The following ENTREP2 variants were observed in gnomAD, a reference collection of about 807,000 sequenced individuals.
ENTREP2 encodes protein ENTREP2.
chr15:29,633,857 G>A, the ENTREP2 span, among the ~76,000 whole-genome samples: 1 of 152,148 alleles, frequency 6.6e-6, no homozygotes, highest in South Asian at 2.1e-4. Context: ...TACTCGGGAG[G>A]CTGAGGCGAG....
At chr15:29,478,747 A>T in the ENTREP2 span, among the ~76,000 whole-genome samples, 1 of 151,412 alleles carries the variant, frequency 6.6e-6, no homozygotes, top group South Asian at 2.1e-4. Context: ...TCTACTAAAA[A>T]TACAAAAATT....
the ENTREP2 span, among the ~76,000 whole-genome samples, chr15:29,247,448 G>T: frequency 6.6e-6 from 1 of 152,178 alleles, no homozygotes; most frequent in Non-Finnish European, 1.5e-5. Flanking sequence ...CCGGGATGGG[G>T]TAAGCGGTAG....
At chr15:29,538,638 C>CAA in the ENTREP2 span, among the ~76,000 whole-genome samples, 14 of 78,986 alleles carry the variant, frequency 1.8e-4, no homozygotes, top group South Asian at 5.3e-4. Context: ...ACTAAAAATA[C>CAA]AAAAAAAAAA....
chr15:29,353,348 A>T, the ENTREP2 span, among the ~76,000 whole-genome samples: 1 of 152,166 alleles, frequency 6.6e-6, no homozygotes. Flanking sequence ...GCCAGACAAG[A>T]GCCCTGTGTG....
the ENTREP2 span, among the ~76,000 whole-genome samples, chr15:29,534,105 C>T: frequency 1.0e-4 from 6 of 58,672 alleles, no homozygotes; most frequent in East Asian, 3.2e-3. Flanking sequence ...TGCCCCTTGG[C>T]CAAAAAAAAA....
the ENTREP2 span, chr15:29,266,666 A>G: frequency 1.3e-5 from 2 of 152,222 alleles, no homozygotes; most frequent in Admixed American, 1.3e-4. Flanking sequence ...CGCTTATATA[A>G]ATCATGAAAG....
the ENTREP2 span, among the ~76,000 whole-genome samples, chr15:29,520,867 G>A: frequency 1.3e-5 from 2 of 152,146 alleles, no homozygotes; most frequent in African/African-American, 4.8e-5. Context: ...CAAAAGATAA[G>A]TAACTCCTGT....
At chr15:29,599,981 CATAAA>C in the ENTREP2 span, among the ~76,000 whole-genome samples, 6 of 152,112 alleles carry the variant, frequency 3.9e-5, no homozygotes, top group Non-Finnish European at 8.8e-5. Context: ...ACTGTAAAGC[CATAAA>C]ATAAGTGATT....
At chr15:29,123,112 C>T in the ENTREP2 span, 6 of 511,406 alleles carry the variant, frequency 1.2e-5, no homozygotes, top group Non-Finnish European at 1.0e-5. Context: ...TTCCGAATTA[C>T]TGGGCTAGGC....
the ENTREP2 span, among the ~76,000 whole-genome samples, chr15:29,534,933 T>C: frequency 6.6e-6 from 1 of 152,218 alleles, no homozygotes; most frequent in Non-Finnish European, 1.5e-5. Flanking sequence ...ATTTATTACA[T>C]GTGAAGAACA....
the ENTREP2 span, among the ~76,000 whole-genome samples, chr15:29,391,499 G>A: frequency 1.3e-5 from 2 of 152,122 alleles, no homozygotes; most frequent in African/African-American, 2.4e-5. Context: ...GTGTTGAAGT[G>A]TTTTAAAATA....
chr15:29,137,232 T>C, the ENTREP2 span: 1 of 1,450,840 alleles, frequency 6.9e-7, no homozygotes, highest in South Asian at 1.5e-5. Flanking sequence ...ATCTGGGACA[T>C]CTTGTGTGGC....
chr15:29,283,362 T>G, the ENTREP2 span, among the ~76,000 whole-genome samples: 3 of 152,236 alleles, frequency 2.0e-5, no homozygotes, highest in African/African-American at 7.2e-5. Context: ...TCTTCTTTTT[T>G]TTTGGAGACA....
the ENTREP2 span, chr15:29,124,903 A>G: frequency 2.8e-6 from 2 of 725,378 alleles, no homozygotes; most frequent in Admixed American, 4.7e-5. Flanking sequence ...ACCGAGCGGC[A>G]GATCAGACAG....
the ENTREP2 span, among the ~76,000 whole-genome samples, chr15:29,489,529 G>C: frequency 6.6e-6 from 1 of 152,212 alleles, no homozygotes; most frequent in Non-Finnish European, 1.5e-5. Flanking sequence ...AAGAATGTAA[G>C]AGCAGTCCAA....
the ENTREP2 span, among the ~76,000 whole-genome samples, chr15:29,309,788 CAAA>C: frequency 8.5e-6 from 1 of 118,286 alleles, no homozygotes; most frequent in Non-Finnish European, 1.8e-5. Context: ...GACTCTGTCT[CAAA>C]AAAAAAAAAA....
the ENTREP2 span, among the ~76,000 whole-genome samples, chr15:29,467,306 C>A: frequency 6.6e-6 from 1 of 152,090 alleles, no homozygotes; most frequent in East Asian, 1.9e-4. Context: ...AGGTAGTGTT[C>A]CACCCAAAGT....
the ENTREP2 span, among the ~76,000 whole-genome samples, chr15:29,229,398 C>CA: frequency 6.6e-6 from 1 of 152,176 alleles, no homozygotes; most frequent in African/African-American, 2.4e-5. Flanking sequence ...TTGAACCTAC[C>CA]ACCCCCTATA....
At chr15:29,212,628 A>G in the ENTREP2 span, among the ~76,000 whole-genome samples, 1 of 152,202 alleles carries the variant, frequency 6.6e-6, no homozygotes, top group East Asian at 1.9e-4. Context: ...GTTTAGGGCT[A>G]TGAACTTGCC....
Sources: gnomAD v4.1 joint callset for allele counts (sites outside exome capture counted in the v4.1 genomes callset) on GRCh38, gnomAD v4.1.1 for gene constraint, MANE v1.5 for transcripts, NCBI Gene and HGNC (gene_info 2026-07-23, HGNC 2026-07-21) for gene names.